The following IL20RB variants were observed in gnomAD, a reference collection of about 807,000 sequenced individuals.
IL20RB encodes the protein interleukin 20 receptor subunit beta.
A neutral mutation model predicts 33.3 loss-of-function variants in IL20RB; 21 were observed. That is an observed-to-expected ratio of 0.63 (90% CI 0.45 to 0.91). The LOEUF (loss-of-function observed/expected upper bound fraction) is 0.91, where lower values mean the gene tolerates loss of function less well. Among genes scored for constraint, IL20RB ranks in the 40% least tolerant of loss-of-function variants. The pLI is 0.00. For missense variants in IL20RB, 345 were observed against 384.8 expected, an observed-to-expected ratio of 0.90 and a Z score of 0.86; for synonymous variants, 147 against 146.8, an observed-to-expected ratio of 1.00 and a Z score of -0.01.
At chr3:136,977,560 C>G (rs1168737166) in intron 1 of IL20RB, among the ~76,000 whole-genome samples, 1 of 152,038 alleles carries the variant, frequency 6.6e-6, no homozygotes, top group Non-Finnish European at 1.5e-5. Flanking sequence ...GAGTCTTGCT[C>G]TGTTGCCCAG....
At chr3:136,971,426 C>T (rs546067959) in intron 1 of IL20RB, among the ~76,000 whole-genome samples, 34 of 152,288 alleles carry the variant, frequency 2.2e-4, no homozygotes, top group Middle Eastern at 3.4e-3. Flanking sequence ...CCACCGCGCC[C>T]GGCCACTTCT....
At chr3:136,959,808 T>A (rs1458425261) in intron 1 of IL20RB, among the ~76,000 whole-genome samples, 1 of 152,198 alleles carries the variant, frequency 6.6e-6, no homozygotes, top group Non-Finnish European at 1.5e-5. Flanking sequence ...GCTCTGTTAC[T>A]CACTAGCTCA....
At chr3:136,982,068 C>A in intron 2 of IL20RB, 92 bp from the exon 3 acceptor site, 1 of 889,432 alleles carries the variant, frequency 1.1e-6, no homozygotes, top group Non-Finnish European at 1.7e-6. Context: ...CTTACCTGTA[C>A]AAAGTAGGTG....
chr3:136,979,204 C>G (rs1372248940), intron 1 of IL20RB, among the ~76,000 whole-genome samples: 1 of 152,004 alleles, frequency 6.6e-6, no homozygotes, highest in Non-Finnish European at 1.5e-5. Context: ...TGTGGGTGCT[C>G]CAGGTGTTTC....
chr3:136,964,412 A>T (rs1941317309), intron 1 of IL20RB, among the ~76,000 whole-genome samples: 1 of 99,802 alleles, frequency 1.0e-5, no homozygotes, highest in African/African-American at 4.2e-5. Context: ...GATATCTCAT[A>T]GTGGTTTTGA....
intron 1 of IL20RB, among the ~76,000 whole-genome samples, chr3:136,979,202 C>T (rs1941707402): frequency 6.6e-6 from 1 of 152,096 alleles, no homozygotes; most frequent in Non-Finnish European, 1.5e-5. Flanking sequence ...CTTGTGGGTG[C>T]TCCAGGTGTT....
At chr3:137,006,366 A>G (rs1304263234) in intron 6 of IL20RB, among the ~76,000 whole-genome samples, 1 of 152,186 alleles carries the variant, frequency 6.6e-6, no homozygotes. Context: ...GTGTTTTCCA[A>G]CTTGGTTCCA....
intron 1 of IL20RB, 37 bp downstream of exon 1, chr3:136,958,238 C>A: frequency 7.4e-7 from 1 of 1,353,134 alleles, no homozygotes; most frequent in Non-Finnish European, 1.1e-6. Context: ...TAGTTTGGGC[C>A]TTGAATATAG....
At chr3:136,995,309 T>G (rs1942104062) in intron 5 of IL20RB, 105 bp from the exon 6 acceptor site, 2 of 1,329,568 alleles carry the variant, frequency 1.5e-6, no homozygotes, top group Non-Finnish European at 2.1e-6. Flanking sequence ...ATCTGCCGTC[T>G]TAGCCAATGT....
At chr3:136,995,678 A>G in intron 6 of IL20RB, 122 bp downstream of exon 6, 5 of 856,894 alleles carry the variant, frequency 5.8e-6, no homozygotes, top group Middle Eastern at 3.5e-4. Flanking sequence ...CTGCACAGAG[A>G]GGGGAGAGGA....
At chr3:136,973,994 C>CT (rs902024608) in intron 1 of IL20RB, among the ~76,000 whole-genome samples, 19 of 151,312 alleles carry the variant, frequency 1.3e-4, no homozygotes, top group South Asian at 2.1e-4. Flanking sequence ...ATAGTCGGAA[C>CT]TTTTTTTTTA....
At position 136,995,535 on chromosome 3, in the gene IL20RB, G is replaced by C. The variant is rs373550754; in HGVS notation, c.804G>C (p.Val268=). Residue 268 remains valine, a synonymous_variant, in exon 6 of 7, where the codon GTG becomes GTC. Coordinates refer to ENST00000329582, the MANE Select transcript of IL20RB (RefSeq NM_144717.4). ...GRLLQYSCCP[V]VVLPDTLKIT... Reference sequence around the variant, plus strand: ...TGCTCCAGTACTCCTGTTGCCCCGTGGTGGTCCTCCCAGACACCTTGGTAA... The same window carrying C: ...TGCTCCAGTACTCCTGTTGCCCCGTCGTGGTCCTCCCAGACACCTTGGTAA... 30 of 1,614,066 alleles carry C rather than the reference G, an allele frequency of 1.9e-5. No homozygotes were observed. The highest frequency in any genetic ancestry group is 2.3e-5 in the Non-Finnish European group (27 of 1,180,008).
At chr3:137,002,125 T>A (rs1399165206) in intron 6 of IL20RB, among the ~76,000 whole-genome samples, 3 of 152,196 alleles carry the variant, frequency 2.0e-5, no homozygotes, top group African/African-American at 7.2e-5. Context: ...TATGGCTGCA[T>A]AGTATTCCAT....
chr3:136,997,779 C>CT (rs952775697), intron 6 of IL20RB, among the ~76,000 whole-genome samples: 70 of 146,758 alleles, frequency 4.8e-4, no homozygotes, highest in African/African-American at 7.9e-4. Context: ...AGTCCACTAA[C>CT]TTTTTTTTTT....
intron 1 of IL20RB, 44 bp downstream of exon 1, chr3:136,958,245 A>G (rs749729634): frequency 1.1e-5 from 14 of 1,275,650 alleles, no homozygotes; most frequent in South Asian, 2.4e-5. Flanking sequence ...GGCCTTGAAT[A>G]TAGGTTAAGA....
chr3:136,972,640 T>C (rs1284742935), intron 1 of IL20RB, among the ~76,000 whole-genome samples: 1 of 152,156 alleles, frequency 6.6e-6, no homozygotes, highest in Non-Finnish European at 1.5e-5. Flanking sequence ...AGTTGTGACA[T>C]CTTCTTTTTA....
intron 6 of IL20RB, 129 bp downstream of exon 6, chr3:136,995,685 A>G: frequency 1.2e-6 from 1 of 819,374 alleles, no homozygotes; most frequent in South Asian, 2.1e-5. Flanking sequence ...GAGAGGGGAG[A>G]GGAATACTTA....
Position 137,004,195 on chromosome 3 carries a change from T to C in IL20RB, c.826-5918T>C, listed in dbSNP as rs552409932. Among the ~76,000 whole-genome samples, 230 of 152,318 alleles carry C rather than the reference T, an allele frequency of 1.5e-3. 1 individual carries two copies. The highest frequency in any genetic ancestry group is 4.5e-3 in the African/African-American group (189 of 41,578). On this transcript the variant is annotated intron_variant, in intron 6 of 6. Transcript: ENST00000329582. ...TTTATTGAGAATTTTTGCATTGATA[T>C]TCCTCAGGGATATTGGTCTAAAATT...
intron 1 of IL20RB, among the ~76,000 whole-genome samples, chr3:136,973,052 A>G (rs1941526695): frequency 6.6e-6 from 1 of 152,120 alleles, no homozygotes; most frequent in South Asian, 2.1e-4. Flanking sequence ...TGTTGACCCA[A>G]TGGTCATTCA....
Sources: allele counts gnomAD v4.1 joint callset (sites outside exome capture counted in the v4.1 genomes callset), GRCh38; gene constraint gnomAD v4.1.1; transcripts MANE v1.5; gene names NCBI Gene and HGNC (gene_info 2026-07-23, HGNC 2026-07-21).